The following MYLK variants were observed in gnomAD, a reference collection of about 807,000 sequenced individuals.
The protein encoded by MYLK is myosin light chain kinase, smooth muscle.
Under a neutral mutation model 203.4 loss-of-function variants are expected in MYLK, and 106 were observed. The ratio of observed to expected loss-of-function variants is 0.52; its 90% CI spans 0.45 to 0.61. The LOEUF (loss-of-function observed/expected upper bound fraction) is 0.61. Among genes scored for constraint, MYLK ranks in the 20% least tolerant of loss-of-function variants. MYLK has a pLI of 0.00. For synonymous variants in MYLK, 867 were observed against 959.5 expected, an observed-to-expected ratio of 0.90 and a Z score of 1.78; for missense variants, 2,072 against 2,442.3, an observed-to-expected ratio of 0.85 and a Z score of 3.20.
intron 2 of MYLK, among the ~76,000 whole-genome samples, chr3:123,857,988 C>T (rs1186272209): frequency 6.6e-6 from 1 of 152,116 alleles, no homozygotes; most frequent in Non-Finnish European, 1.5e-5. Context: ...GGCCTGATGA[C>T]TCTCAGCCAC....
At chr3:123,747,287 T>C (rs1449966094) in intron 5 of MYLK, among the ~76,000 whole-genome samples, 1 of 152,098 alleles carries the variant, frequency 6.6e-6, no homozygotes, top group Admixed American at 6.6e-5. Flanking sequence ...GCTGTCACAG[T>C]CTAGGTGACC....
rs934122531 is a variant in MYLK at position 123,683,376 on chromosome 3, G to A, written c.3566-1066C>T. On this transcript the variant is annotated intron_variant, in intron 19 of 33. Transcript: ENST00000360304. The stretch of plus-strand genomic sequence containing the variant: ...GGGAGGAAGTGCCCTCTCATGGTCC[G>A]CCTCCAGGACTGGCAGTCAGGGCTG... Among the ~76,000 whole-genome samples, 53 of 152,190 alleles carry A rather than the reference G, an allele frequency of 3.5e-4. 1 individual carries two copies. The highest frequency in any genetic ancestry group is 2.3e-3 in the Admixed American group (35 of 15,300).
At chr3:123,808,722 C>A (rs545082550) in intron 3 of MYLK, among the ~76,000 whole-genome samples, 1 of 152,266 alleles carries the variant, frequency 6.6e-6, no homozygotes, top group Non-Finnish European at 1.5e-5. Flanking sequence ...GTCACTAATA[C>A]AAACAACCCA....
At chr3:123,747,676 C>A (rs770913672) in intron 5 of MYLK, among the ~76,000 whole-genome samples, 30 of 152,232 alleles carry the variant, frequency 2.0e-4, no homozygotes, top group Middle Eastern at 3.2e-3. Context: ...ATCTGCATTT[C>A]AACCAGATTC....
chr3:123,630,666 C>G lies in MYLK; in HGVS notation c.4962-1040G>C, dbSNP rs74905975. ...GCAGTGTTCAGCACTGGCACCAGGC[C>G]TGGTCCACAGTAAGGAGGCGGTCCA... is the stretch of plus-strand genomic sequence containing the variant. On this transcript the variant is annotated intron_variant, in intron 29 of 33. Coordinates refer to ENST00000360304, the MANE Select transcript of MYLK (RefSeq NM_053025.4). 180 of 152,346 alleles carry G rather than the reference C, an allele frequency of 1.2e-3. 1 individual carries two copies. The highest frequency in any genetic ancestry group is 4.2e-3 in the African/African-American group (175 of 41,568). 9.4% of individuals were successfully genotyped at this position (152,346 alleles called of 1,614,324 possible).
rs77943069 is a variant in MYLK at position 123,657,101 on chromosome 3, C to T, written c.4288+25G>A. 665 of 1,613,812 alleles carry T rather than the reference C, an allele frequency of 4.1e-4. 3 individuals are homozygous for T. In the East Asian group the frequency reaches 0.012, roughly 30 times the overall value. On this transcript the variant is annotated intron_variant, in intron 24 of 33. Transcript: ENST00000360304. ...TCAGTCACGCACATTTGTTTCAAGC[C>T]ACTGATGAAGTGATGGCAGCCTACC...
At position 123,700,377 on chromosome 3, in the gene MYLK, G is replaced by A; in HGVS notation, c.3091C>T (p.Pro1031Ser). Residue 1031 changes from proline to serine, a missense_variant, in exon 18 of 34, where the codon CCT becomes TCT. Pro to Ser is a moderately conservative substitution (Grantham distance 74). Coordinates refer to ENST00000360304, the MANE Select transcript of MYLK (RefSeq NM_053025.4). ...CCCATTGGCTTCAGGGTCTCAGCAG[G>A]CTTGGCGTTGCCCACGGGTTTCAAG... is the stretch of plus-strand genomic sequence containing the variant. ...GPLKPVGNAKPAETLKPMGNA... is the reference protein window; with the variant it reads ...GPLKPVGNAKSAETLKPMGNA... The A allele has an allele frequency of 6.2e-7, 1 of 1,613,808 alleles. No individual in the cohort carries two copies. The highest frequency in any genetic ancestry group is 1.1e-5 in the South Asian group (1 of 91,026).
In MYLK at chr3:123,732,915, G is replaced by A; in HGVS notation, c.1497C>T (p.Ser499=). The stretch of plus-strand genomic sequence containing the variant: ...ACTCACTTTCCACTTGGAGGGTCCA[G>A]CTACAGGACAGCTGGCCTTGGGCGT... ...ASNAQGQLSC[S]WTLQVERLAV... is the part of the protein sequence containing the mutation. Residue 499 remains serine, a synonymous_variant, in exon 11 of 34, where the codon AGC becomes AGT. Transcript: ENST00000360304. 6.2e-7 allele frequency: 1 copy of A among 1,614,144 alleles called. No homozygotes were observed. Among genetic ancestry groups the A allele is most frequent in the Admixed American group, 1.7e-5 (1 of 60,028 alleles).
intron 2 of MYLK, among the ~76,000 whole-genome samples, chr3:123,834,325 C>T (rs537309149): frequency 7.9e-5 from 12 of 152,278 alleles, no homozygotes; most frequent in African/African-American, 1.7e-4. Flanking sequence ...GGATTACAGG[C>T]GTGAGCTACT....
At position 123,709,017 on chromosome 3, in the gene MYLK, C is replaced by T. The variant is rs546004917; in HGVS notation, c.1943-122G>A. The T allele has an allele frequency of 6.3e-6, 5 of 799,880 alleles. No individual in the cohort carries two copies. In the Admixed American group the frequency reaches 1.2e-4, roughly 19 times the overall value. The allele number at this position is 799,880 out of a possible 1,614,324, so 49.5% of individuals were successfully genotyped here. On this transcript the variant is annotated intron_variant, in intron 14 of 33. Coordinates refer to ENST00000360304, the MANE Select transcript of MYLK (RefSeq NM_053025.4). ...CCAACAACTCTCTATGCTTTCACTT[C>T]CCCATCAGTAAAATAGGAATTCAAA...
intron 17 of MYLK, 36 bp downstream of exon 17, chr3:123,701,402 G>T (rs373796759): frequency 1.2e-6 from 2 of 1,605,332 alleles, no homozygotes; most frequent in East Asian, 2.2e-5. Context: ...GGGGATGGGG[G>T]CATGGCCTGG....
chr3:123,701,054 G>A, intron 17 of MYLK, 49 bp from the exon 18 acceptor site: 1 of 1,594,690 alleles, frequency 6.3e-7, no homozygotes, highest in Non-Finnish European at 8.5e-7. Flanking sequence ...AAAAGGGGCT[G>A]GGTAAGAAAG....
rs2059752666 is a variant in MYLK, at chr3:123,666,878, C to T, written c.3703+259G>A. 1.3e-5 allele frequency: 8 copies of T among 603,242 alleles called. No individual in the cohort carries two copies. In the South Asian group the frequency reaches 1.4e-4, roughly 11 times the overall value. The allele number at this position is 603,242 out of a possible 1,614,324, so 37.4% of individuals were successfully genotyped here. A position where few individuals can be genotyped will look rare whatever the true frequency, so the allele number is the denominator to read the frequency against. On this transcript the variant is annotated intron_variant, in intron 21 of 33. Transcript: ENST00000360304. ...GTAGAAGGGGCAGGCAGGAGAGCTG[C>T]TAGTCCTGTATGATGCTGTCAACAT...
At chr3:123,727,190 T>A (rs2062320579) in intron 11 of MYLK, among the ~76,000 whole-genome samples, 1 of 152,150 alleles carries the variant, frequency 6.6e-6, no homozygotes, top group South Asian at 2.1e-4. Context: ...CTCCTCCAGA[T>A]CCTAGGGGAG....
intron 24 of MYLK, among the ~76,000 whole-genome samples, chr3:123,651,249 C>T (rs140547128): frequency 6.6e-6 from 1 of 152,264 alleles, no homozygotes; most frequent in East Asian, 1.9e-4. Flanking sequence ...ATTTAGTGTT[C>T]TACCTCACGT....
At chr3:123,872,327 G>C (rs1162380319) in intron 2 of MYLK, among the ~76,000 whole-genome samples, 3 of 152,144 alleles carry the variant, frequency 2.0e-5, no homozygotes, top group African/African-American at 7.2e-5. Flanking sequence ...CAGCTATGTG[G>C]AGTTTTTTTC....
intron 2 of MYLK, among the ~76,000 whole-genome samples, chr3:123,836,929 T>A (rs2066486765): frequency 6.6e-6 from 1 of 152,244 alleles, no homozygotes; most frequent in Admixed American, 6.5e-5. Flanking sequence ...CATGGACTAA[T>A]TAAGAACACT....
intron 19 of MYLK, among the ~76,000 whole-genome samples, chr3:123,685,517 C>A (rs1297450226): frequency 6.6e-6 from 1 of 151,008 alleles, no homozygotes; most frequent in African/African-American, 2.4e-5. Flanking sequence ...CACCTGAGCC[C>A]ACAGAGCTTG....
intron 12 of MYLK, among the ~76,000 whole-genome samples, chr3:123,723,290 C>T (rs779356670): frequency 6.6e-6 from 1 of 152,188 alleles, no homozygotes; most frequent in Admixed American, 6.5e-5. Flanking sequence ...CTTCATGTCT[C>T]CATGACAGTT....
Sources: allele counts gnomAD v4.1 joint callset (sites outside exome capture counted in the v4.1 genomes callset), GRCh38; gene constraint gnomAD v4.1.1; transcripts MANE v1.5; gene names NCBI Gene and HGNC (gene_info 2026-07-23, HGNC 2026-07-21).